LHFPL3: variants seen among roughly 807,000 people sequenced by gnomAD.
The protein encoded by LHFPL3 is LHFPL tetraspan subfamily member 3.
Under a neutral mutation model 19.3 loss-of-function variants are expected in LHFPL3, and 5 were observed. The observed-to-expected ratio is 0.26, with a 90% CI of 0.14 to 0.54. The LOEUF is 0.54. Among genes scored for constraint, LHFPL3 ranks in the 20% least tolerant of loss-of-function variants. The probability of loss-of-function intolerance (pLI) is 0.94; values close to 1 mark genes in which losing one functional copy is unlikely to be tolerated. For missense variants in LHFPL3, 249 were observed against 307.4 expected (o/e 0.81, Z 1.42); for synonymous variants, 133 against 126.2 (o/e 1.05, Z -0.36).
In LHFPL3 at chr7:104,585,480, A is replaced by ACACACACACAC. The variant is rs1790551501; in HGVS notation, c.446-151195_446-151194insCACACACACAC. Among the ~76,000 whole-genome samples the ACACACACACAC allele has an allele frequency of 2.0e-3, 249 of 123,458 alleles. 4 individuals carry two copies. The highest frequency in any genetic ancestry group is 0.01 in the South Asian group (35 of 3,350). 81.0% of individuals were successfully genotyped at this position (123,458 alleles called of 152,430 possible). On this transcript the variant is annotated intron_variant, in intron 1 of 2. Transcript: ENST00000424859. Reference sequence around the variant, plus strand: ...AAAGTGGAATAAGGCAACACACACAAACACACACACACACACACACACACA... The same window carrying ACACACACACAC: ...AAAGTGGAATAAGGCAACACACACAACACACACACACACACACACACACACACACACACACA...
intron 1 of LHFPL3, among the ~76,000 whole-genome samples, chr7:104,696,584 T>C (rs1793000454): frequency 1.3e-5 from 2 of 152,050 alleles, no homozygotes; most frequent in South Asian, 2.1e-4. Flanking sequence ...TTCTTAGCTA[T>C]AAGGGAAGAT....
chr7:104,890,539 T>C (rs1792224992), intron 2 of LHFPL3, among the ~76,000 whole-genome samples: 1 of 152,214 alleles, frequency 6.6e-6, no homozygotes, highest in Non-Finnish European at 1.5e-5. Flanking sequence ...TGGCTGTGTG[T>C]TTGTCCCTTT....
At chr7:104,761,958 T>C (rs965425615) in intron 2 of LHFPL3, among the ~76,000 whole-genome samples, 1 of 152,216 alleles carries the variant, frequency 6.6e-6, no homozygotes, top group Non-Finnish European at 1.5e-5. Context: ...TCTAACCTAG[T>C]CACATTTCCT....
At chr7:104,821,971 T>C (rs780788949) in intron 2 of LHFPL3, among the ~76,000 whole-genome samples, 6 of 152,186 alleles carry the variant, frequency 3.9e-5, no homozygotes, top group Non-Finnish European at 8.8e-5. Context: ...TAAGAAAATG[T>C]CAAGAGTGAA....
intron 1 of LHFPL3, among the ~76,000 whole-genome samples, chr7:104,727,161 C>T (rs1419815158): frequency 6.6e-6 from 1 of 152,156 alleles, no homozygotes; most frequent in Non-Finnish European, 1.5e-5. Context: ...CCTTTGCCCA[C>T]TTTTTAATTG....
At chr7:104,470,519 C>T (rs1446860893) in intron 1 of LHFPL3, among the ~76,000 whole-genome samples, 1 of 152,196 alleles carries the variant, frequency 6.6e-6, no homozygotes, top group Non-Finnish European at 1.5e-5. Flanking sequence ...CGAACAGTAC[C>T]AGCATGTTAT....
intron 1 of LHFPL3, among the ~76,000 whole-genome samples, chr7:104,330,954 A>G (rs1393930587): frequency 6.6e-6 from 1 of 152,210 alleles, no homozygotes; most frequent in Non-Finnish European, 1.5e-5. Context: ...TAAATGACCT[A>G]TTTAGACAGG....
chr7:104,675,203 GGAGA>G (rs1792568404), intron 1 of LHFPL3, among the ~76,000 whole-genome samples: 1 of 152,240 alleles, frequency 6.6e-6, no homozygotes, highest in Non-Finnish European at 1.5e-5. Flanking sequence ...TACTCACCAA[GGAGA>G]CATCTAAGAG....
chr7:104,570,633 C>A (rs1169716556), intron 1 of LHFPL3, among the ~76,000 whole-genome samples: 1 of 152,182 alleles, frequency 6.6e-6, no homozygotes, highest in Non-Finnish European at 1.5e-5. Flanking sequence ...AAATGCCTAG[C>A]AGCTGTCTCT....
rs1187157646 is a variant in LHFPL3 at position 104,489,330 on chromosome 7, G to A, written c.445+160106G>A. Reference sequence around the variant, plus strand: ...GATCTCCTGACCTCGTGATCCGCCCGCCTCGGCCTCCCAAAGTGGTGCTGA... The same window carrying A: ...GATCTCCTGACCTCGTGATCCGCCCACCTCGGCCTCCCAAAGTGGTGCTGA... On this transcript the variant is annotated intron_variant, in intron 1 of 2. Transcript: ENST00000424859. Among the ~76,000 whole-genome samples the A allele has an allele frequency of 2.5e-4, 9 of 36,524 alleles. 1 individual carries two copies. The highest frequency in any genetic ancestry group is 5.9e-4 in the African/African-American group (9 of 15,154). 24.0% of individuals were successfully genotyped at this position (36,524 alleles called of 152,430 possible). A position where few individuals can be genotyped will look rare whatever the true frequency, so the allele number is the denominator to read the frequency against.
At chr7:104,893,392 T>C (rs1172699142) in intron 2 of LHFPL3, among the ~76,000 whole-genome samples, 1 of 151,832 alleles carries the variant, frequency 6.6e-6, no homozygotes, top group Non-Finnish European at 1.5e-5. Flanking sequence ...TATATATCTG[T>C]AGTCCCAGCT....
intron 1 of LHFPL3, among the ~76,000 whole-genome samples, chr7:104,528,477 C>T (rs1794231950): frequency 6.6e-6 from 1 of 152,122 alleles, no homozygotes; most frequent in Admixed American, 6.5e-5. Context: ...TAAAAAACAC[C>T]TTCTGTATGC....
chr7:104,732,025 T>A (rs974628512), intron 1 of LHFPL3, among the ~76,000 whole-genome samples: 33 of 152,296 alleles, frequency 2.2e-4, no homozygotes, highest in Non-Finnish European at 3.4e-4. Flanking sequence ...ATGGATTACG[T>A]TTATTGATTT....
At chr7:104,635,899 T>C (rs1791721094) in intron 1 of LHFPL3, among the ~76,000 whole-genome samples, 1 of 152,188 alleles carries the variant, frequency 6.6e-6, no homozygotes, top group African/African-American at 2.4e-5. Context: ...ATAAATTAAA[T>C]GACAGATTTG....
chr7:104,607,954 C>T (rs565425714), intron 1 of LHFPL3, among the ~76,000 whole-genome samples: 35 of 152,318 alleles, frequency 2.3e-4, no homozygotes, highest in African/African-American at 8.4e-4. Flanking sequence ...GAGATACCAT[C>T]TCACACCAGT....
intron 1 of LHFPL3, among the ~76,000 whole-genome samples, chr7:104,731,427 G>A (rs1793702937): frequency 6.6e-6 from 1 of 152,170 alleles, no homozygotes; most frequent in African/African-American, 2.4e-5. Context: ...TCTCCTTGAA[G>A]AGGTCCTTCA....
chr7:104,511,797 C>T (rs1448512624), intron 1 of LHFPL3, among the ~76,000 whole-genome samples: 2 of 151,952 alleles, frequency 1.3e-5, no homozygotes, highest in African/African-American at 4.8e-5. Flanking sequence ...CCACTTGTTC[C>T]CCAAAAACCT....
chr7:104,504,901 A>T (rs967108690), intron 1 of LHFPL3, among the ~76,000 whole-genome samples: 1 of 152,192 alleles, frequency 6.6e-6, no homozygotes, highest in Non-Finnish European at 1.5e-5. Flanking sequence ...TTAGTTGGCT[A>T]ATCATCAACA....
At chr7:104,640,200 C>T (rs1035569858) in intron 1 of LHFPL3, among the ~76,000 whole-genome samples, 7 of 152,100 alleles carry the variant, frequency 4.6e-5, no homozygotes, top group Admixed American at 1.3e-4. Flanking sequence ...TGGTTTGCTG[C>T]GCCCATCAAC....
Sources: allele counts gnomAD v4.1 joint callset (sites outside exome capture counted in the v4.1 genomes callset), GRCh38; gene constraint gnomAD v4.1.1; transcripts MANE v1.5; gene names NCBI Gene and HGNC (gene_info 2026-07-23, HGNC 2026-07-21).